Variants in RBFOX1 observed in about 807,000 individuals in gnomAD.
The protein encoded by RBFOX1 is RNA binding fox-1 homolog 1, also known as RNA binding protein fox-1 homolog 1.
RBFOX1 carries 8 observed loss-of-function variants against 57.7 expected under a neutral mutation model. That is an observed-to-expected ratio of 0.14 (90% CI 0.08 to 0.25). The LOEUF (loss-of-function observed/expected upper bound fraction) is 0.25, where lower values mean the gene tolerates loss of function less well. Ranked by LOEUF, RBFOX1 falls within the 10% of genes least tolerant of loss-of-function variation. RBFOX1 has a pLI of 1.00. For synonymous variants in RBFOX1, 326 were observed against 222.4 expected (o/e 1.47, Z -4.15); for missense variants, 611 against 548.5 (o/e 1.11, Z -1.14).
At chr16:6,612,204 G>C (rs960261652) in intron 2 of RBFOX1, among the ~76,000 whole-genome samples, 1 of 152,090 alleles carries the variant, frequency 6.6e-6, no homozygotes, top group African/African-American at 2.4e-5. Context: ...CTCAGGGTAA[G>C]TTTAGCTTTA....
intron 2 of RBFOX1, among the ~76,000 whole-genome samples, chr16:6,320,288 C>A (rs1013149333): frequency 1.3e-5 from 2 of 152,144 alleles, no homozygotes; most frequent in African/African-American, 4.8e-5. Flanking sequence ...TAATTCCCTA[C>A]ATGCCACATC....
intron 3 of RBFOX1, among the ~76,000 whole-genome samples, chr16:7,031,978 G>A (rs1318707247): frequency 1.3e-5 from 2 of 152,186 alleles, no homozygotes; most frequent in Admixed American, 1.3e-4. Flanking sequence ...TGAAGCATTT[G>A]TTACTGAAGT....
intron 4 of RBFOX1, among the ~76,000 whole-genome samples, chr16:7,119,437 C>G (rs1347991951): frequency 1.3e-5 from 2 of 152,022 alleles, no homozygotes; most frequent in Non-Finnish European, 2.9e-5. Flanking sequence ...CTTTGGCAGA[C>G]AGAACTAGTA....
At chr16:6,748,121 AT>A (rs562361077) in intron 3 of RBFOX1, among the ~76,000 whole-genome samples, 5 of 151,850 alleles carry the variant, frequency 3.3e-5, no homozygotes, top group African/African-American at 1.2e-4. Flanking sequence ...TGGTAGGATC[AT>A]TTTTTTTCCT....
chr16:5,869,112 G>C (rs765991707), intron 4 of RBFOX1, among the ~76,000 whole-genome samples: 11 of 152,152 alleles, frequency 7.2e-5, no homozygotes, highest in Non-Finnish European at 1.2e-4. Context: ...ATGTCTGGCA[G>C]GGTACAAAGT....
intron 1 of RBFOX1, among the ~76,000 whole-genome samples, chr16:6,142,189 C>CAAAAAAAAAAAA (rs71142685): frequency 2.0e-5 from 1 of 49,092 alleles, no homozygotes; most frequent in African/African-American, 9.1e-5. Context: ...GCTGCTGCTG[C>CAAAAAAAAAAAA]AAAAAAAAAA....
chr16:7,699,799 C>T (rs551084421), intron 14 of RBFOX1, among the ~76,000 whole-genome samples: 5 of 151,476 alleles, frequency 3.3e-5, no homozygotes, highest in Non-Finnish European at 7.4e-5. Flanking sequence ...GCATGTGTGG[C>T]TTTTATTATG....
intron 2 of RBFOX1, among the ~76,000 whole-genome samples, chr16:6,360,417 C>G (rs1438520393): frequency 6.6e-6 from 1 of 152,018 alleles, no homozygotes; most frequent in African/African-American, 2.4e-5. Flanking sequence ...TTTTAACATT[C>G]TGAAACAGAT....
At chr16:5,366,655 A>T in intron 1 of RBFOX1, 1 of 433,612 alleles carries the variant, frequency 2.3e-6, no homozygotes, top group East Asian at 6.4e-5. Flanking sequence ...CCAGGAGGCT[A>T]TTCCCGATCT....
rs191478473 is a variant in RBFOX1 at position 6,628,512 on chromosome 16, G to C, written c.-63-26091G>C. 3.0e-3 allele frequency among the ~76,000 whole-genome samples: 457 copies of C among 152,148 alleles called. 3 individuals carry two copies. Among genetic ancestry groups the C allele is most frequent in the Middle Eastern group, 0.01 (3 of 294 alleles). ...TACAATTCACATTTTTATCATATTT[G>C]TTTTATCTCTTATATATCCATCACT... On this transcript the variant is annotated intron_variant, in intron 2 of 15. Coordinates refer to ENST00000550418, the MANE Select transcript of RBFOX1 (RefSeq NM_018723.4).
intron 3 of RBFOX1, among the ~76,000 whole-genome samples, chr16:5,713,459 G>C (rs977295980): frequency 6.6e-6 from 1 of 152,120 alleles, no homozygotes; most frequent in Admixed American, 6.6e-5. Flanking sequence ...ATATTTCCCT[G>C]TCTGAGCTAA....
intron 4 of RBFOX1, among the ~76,000 whole-genome samples, chr16:7,328,477 C>CAAA (rs58553232): frequency 0.23 from 13,413 of 58,898 alleles, 1,582 homozygotes; most frequent in Non-Finnish European, 0.25. Context: ...GACTCTGTCT[C>CAAA]AAAAAAAAAA....
intron 14 of RBFOX1, among the ~76,000 whole-genome samples, chr16:7,707,828 T>C (rs903529681): frequency 1.3e-5 from 2 of 152,168 alleles, no homozygotes; most frequent in Non-Finnish European, 2.9e-5. Flanking sequence ...TTTTTTCCCC[T>C]TGCTCTGACC....
intron 4 of RBFOX1, among the ~76,000 whole-genome samples, chr16:7,208,519 G>T (rs1319014120): frequency 6.6e-6 from 1 of 152,096 alleles, no homozygotes; most frequent in East Asian, 1.9e-4. Flanking sequence ...AGAGATAGTG[G>T]GGAGGAGCCA....
At chr16:6,541,404 AC>A (rs2096816176) in intron 2 of RBFOX1, among the ~76,000 whole-genome samples, 1 of 152,234 alleles carries the variant, frequency 6.6e-6, no homozygotes, top group South Asian at 2.1e-4. Flanking sequence ...AGTGAGCAGC[AC>A]TGGACAGTTC....
At chr16:5,445,298 T>A (rs1378287905) in intron 1 of RBFOX1, among the ~76,000 whole-genome samples, 2 of 152,156 alleles carry the variant, frequency 1.3e-5, no homozygotes, top group African/African-American at 4.8e-5. Context: ...TCTTTCTGAC[T>A]TTTCCTCCTC....
chr16:6,926,823 G>T (rs536126862), intron 3 of RBFOX1, among the ~76,000 whole-genome samples: 1 of 152,074 alleles, frequency 6.6e-6, no homozygotes, highest in South Asian at 2.1e-4. Flanking sequence ...TTTCTGTCCC[G>T]TGCAGATACA....
At chr16:5,263,603 G>A (rs149080866) in intron 1 of RBFOX1, among the ~76,000 whole-genome samples, 1 of 152,148 alleles carries the variant, frequency 6.6e-6, no homozygotes, top group Non-Finnish European at 1.5e-5. Flanking sequence ...GATAAAGGCA[G>A]GTCTCAAATG....
intron 4 of RBFOX1, among the ~76,000 whole-genome samples, chr16:7,291,069 A>C (rs1393500103): frequency 6.6e-6 from 1 of 152,206 alleles, no homozygotes; most frequent in Non-Finnish European, 1.5e-5. Flanking sequence ...CAAAGAGCAT[A>C]TATTTGGAGA....
Sources: gnomAD v4.1 joint callset for allele counts (sites outside exome capture counted in the v4.1 genomes callset) on GRCh38, gnomAD v4.1.1 for gene constraint, MANE v1.5 for transcripts, NCBI Gene and HGNC (gene_info 2026-07-23, HGNC 2026-07-21) for gene names.